Variants in TBC1D4 observed in about 807,000 individuals in gnomAD.
TBC1D4 encodes TBC1 domain family member 4.
In TBC1D4, 121 loss-of-function variants were observed where a neutral mutation model predicts 142.5. That is an observed-to-expected ratio of 0.85 (90% confidence interval 0.73 to 0.99). The LOEUF (loss-of-function observed/expected upper bound fraction) is 0.99. Among genes scored for constraint, TBC1D4 ranks in the 50% least tolerant of loss-of-function variants. TBC1D4 has a pLI of 0.00. For synonymous variants in TBC1D4, 630 were observed against 628.2 expected (o/e 1.00, Z -0.04); for missense variants, 1,475 against 1,606.6 (o/e 0.92, Z 1.40).
intron 5 of TBC1D4, among the ~76,000 whole-genome samples, chr13:75,346,851 TCAA>T (rs755638038): frequency 7.2e-5 from 11 of 152,182 alleles, no homozygotes; most frequent in South Asian, 4.1e-4. Context: ...ATTTTTTCAC[TCAA>T]CAATACAATT....
intron 1 of TBC1D4, among the ~76,000 whole-genome samples, chr13:75,469,965 A>G (rs754829087): frequency 7.2e-5 from 11 of 152,196 alleles, no homozygotes; most frequent in African/African-American, 1.2e-4. Context: ...GGGCTGGGCT[A>G]TAGTAACAAA....
rs1425528118 is a variant in TBC1D4 at position 75,359,821 on chromosome 13, G to A, written c.1118C>T (p.Thr373Ile). ...RFEINLISPD[T>I]KSVVLEKNFK... ...ATTCTTTTCTAGCACAACTGATTTA[G>A]TGTCTGGACTGATAAGGTTAATCTC... Residue 373 changes from threonine (T) to isoleucine (I), a missense_variant, in exon 3 of 21, where the codon ACT becomes ATT. Thr to Ile is a moderately conservative substitution (Grantham distance 89). This residue lies in a region of TBC1D4 where 1,227 missense variants were observed against 1,267.7 expected (regional missense o/e 0.97). Coordinates refer to ENST00000377636, the MANE Select transcript of TBC1D4 (RefSeq NM_014832.5). The A allele has an allele frequency of 6.2e-7, 1 of 1,613,572 alleles. No individual in the cohort carries two copies. Among genetic ancestry groups the A allele is most frequent in the Non-Finnish European group, 8.5e-7 (1 of 1,179,780 alleles).
intron 1 of TBC1D4, among the ~76,000 whole-genome samples, chr13:75,418,539 G>C (rs140222163): frequency 6.6e-6 from 1 of 152,158 alleles, no homozygotes; most frequent in Non-Finnish European, 1.5e-5. Context: ...CTTCTTGTTA[G>C]TTACTCTGAG....
rs1885352760 is a variant in TBC1D4, at chr13:75,406,536, C to T, written c.499-43929G>A. 2.0e-5 allele frequency among the ~76,000 whole-genome samples: 3 copies of T among 152,154 alleles called. No homozygotes were observed. The South Asian group carries it at 6.2e-4, about 32-fold the overall frequency. The stretch of plus-strand genomic sequence containing the variant: ...AAAACAGAGCACCAAGCAAATGAAA[C>T]CTCTGACGCTAAGTGTTGGTGAGGA... On this transcript the variant is annotated intron_variant, in intron 1 of 20. Transcript: ENST00000377636.
At chr13:75,321,750 G>A (rs549307362) in intron 11 of TBC1D4, among the ~76,000 whole-genome samples, 7 of 152,186 alleles carry the variant, frequency 4.6e-5, no homozygotes, top group Admixed American at 4.6e-4. Flanking sequence ...TAATAATAGT[G>A]AAGACAGGAC....
intron 1 of TBC1D4, among the ~76,000 whole-genome samples, chr13:75,427,786 T>C (rs1423743797): frequency 6.6e-6 from 1 of 152,254 alleles, no homozygotes; most frequent in Non-Finnish European, 1.5e-5. Flanking sequence ...AACTGTGCTT[T>C]ATTCACTGTT....
At chr13:75,421,872 C>A (rs201968078) in intron 1 of TBC1D4, among the ~76,000 whole-genome samples, 1 of 4,970 alleles carries the variant, frequency 2.0e-4, no homozygotes, top group Non-Finnish European at 4.6e-4. Flanking sequence ...ATGAAGCAAT[C>A]CCTTATTTCA....
Position 75,299,475 on chromosome 13 carries a change from TC to T in TBC1D4, c.3010del (p.Glu1004LysfsTer19). ...GCTGATCCCCTGACAGTATCCCACTTCTTTGTCCAGCAAAGAATAGGCTTTC... is the reference window on the plus strand; with the variant it reads ...GCTGATCCCCTGACAGTATCCCACTTTTTGTCCAGCAAAGAATAGGCTTTC... ...LLKAYSLLDK[E>X]VGYCQGISFV... On this transcript the variant is annotated frameshift_variant, in exon 17 of 21. Coordinates refer to ENST00000377636, the MANE Select transcript of TBC1D4 (RefSeq NM_014832.5). LOFTEE classifies it high-confidence loss of function. The T allele has an allele frequency of 6.2e-7, 1 of 1,614,198 alleles. No homozygotes were observed. Among genetic ancestry groups the T allele is most frequent in the Non-Finnish European group, 8.5e-7 (1 of 1,180,040 alleles).
At chr13:75,302,560 G>T in intron 15 of TBC1D4, 159 bp from the exon 16 acceptor site, 1 of 818,558 alleles carries the variant, frequency 1.2e-6, no homozygotes, top group Non-Finnish European at 2.0e-6. Context: ...ATTTTGACAA[G>T]CTGAATCCTA....
At chr13:75,348,331 C>A (rs1052076360) in intron 5 of TBC1D4, among the ~76,000 whole-genome samples, 4 of 152,200 alleles carry the variant, frequency 2.6e-5, no homozygotes, top group Non-Finnish European at 5.9e-5. Flanking sequence ...TTGCACTCTT[C>A]CCATCTATTA....
chr13:75,410,239 T>C (rs1885578374), intron 1 of TBC1D4, among the ~76,000 whole-genome samples: 2 of 152,304 alleles, frequency 1.3e-5, no homozygotes, highest in African/African-American at 2.4e-5. Context: ...ATCCCCCTTT[T>C]CATTCCAAAG....
At chr13:75,458,140 C>G (rs185357119) in intron 1 of TBC1D4, among the ~76,000 whole-genome samples, 1 of 152,218 alleles carries the variant, frequency 6.6e-6, no homozygotes, top group East Asian at 1.9e-4. Context: ...GGAATCAGGT[C>G]ACTCGGACTT....
At chr13:75,401,052 T>A (rs922928260) in intron 1 of TBC1D4, among the ~76,000 whole-genome samples, 1 of 152,154 alleles carries the variant, frequency 6.6e-6, no homozygotes, top group African/African-American at 2.4e-5. Context: ...TACATAATAT[T>A]AGTGTTAGAC....
At chr13:75,431,584 A>G (rs868536722) in intron 1 of TBC1D4, among the ~76,000 whole-genome samples, 74 of 152,352 alleles carry the variant, frequency 4.9e-4, no homozygotes, top group Middle Eastern at 3.4e-3. Context: ...TAAGGATCCC[A>G]ACCTTTGGTC....
intron 1 of TBC1D4, among the ~76,000 whole-genome samples, chr13:75,376,682 C>T (rs1001668632): frequency 7.9e-5 from 12 of 152,192 alleles, no homozygotes; most frequent in African/African-American, 2.9e-4. Flanking sequence ...TGCACCTGAC[C>T]TTCTGGTGAC....
At chr13:75,385,329 G>A (rs531981392) in intron 1 of TBC1D4, among the ~76,000 whole-genome samples, 7 of 152,232 alleles carry the variant, frequency 4.6e-5, no homozygotes. Flanking sequence ...TGGCTCCCAC[G>A]CAAAACGTTT....
At chr13:75,377,296 G>C (rs1221604354) in intron 1 of TBC1D4, 2 of 152,170 alleles carry the variant, frequency 1.3e-5, no homozygotes, top group Non-Finnish European at 2.9e-5. Flanking sequence ...ATGACAGCTA[G>C]GGCCATCTGC....
At chr13:75,354,016 G>C (rs1209767638) in intron 4 of TBC1D4, among the ~76,000 whole-genome samples, 1 of 152,190 alleles carries the variant, frequency 6.6e-6, no homozygotes, top group African/African-American at 2.4e-5. Context: ...TTAGGTCCCA[G>C]GAACTAACCA....
intron 13 of TBC1D4, 123 bp downstream of exon 13, chr13:75,312,615 T>G (rs1167686905): frequency 1.5e-6 from 2 of 1,296,028 alleles, no homozygotes; most frequent in African/African-American, 2.9e-5. Context: ...AACCACTGTA[T>G]CACATACAGA....
Sources: allele counts gnomAD v4.1 joint callset (sites outside exome capture counted in the v4.1 genomes callset), GRCh38; gene constraint gnomAD v4.1.1; regional missense constraint gnomAD v4.1.1; transcripts MANE v1.5; gene names NCBI Gene and HGNC (gene_info 2026-07-23, HGNC 2026-07-21).